Variants in SPATA13 observed in about 807,000 individuals in gnomAD.
The protein encoded by SPATA13 is spermatogenesis-associated protein 13.
Under a neutral mutation model 104.0 loss-of-function variants are expected in SPATA13, and 50 were observed. The observed-to-expected ratio is 0.48, with a 90% CI of 0.38 to 0.61. The LOEUF (loss-of-function observed/expected upper bound fraction) is 0.61, where lower values mean the gene tolerates loss of function less well. Among genes scored for constraint, SPATA13 ranks in the 20% least tolerant of loss-of-function variants. The probability of loss-of-function intolerance (pLI) is 0.00; values close to 1 mark genes in which losing one functional copy is unlikely to be tolerated. For missense variants in SPATA13, 1,524 were observed against 1,690.6 expected (o/e 0.90, Z 1.73); for synonymous variants, 606 against 667.5 (o/e 0.91, Z 1.42).
intron 3 of SPATA13, among the ~76,000 whole-genome samples, chr13:24,081,453 TGTAA>T (rs1879512062): frequency 6.6e-6 from 1 of 152,198 alleles, no homozygotes; most frequent in African/African-American, 2.4e-5. Flanking sequence ...GTAGCATGTC[TGTAA>T]GTATCATAAA....
chr13:24,169,227 G>A (rs990310136), intron 1 of SPATA13, among the ~76,000 whole-genome samples: 5 of 152,156 alleles, frequency 3.3e-5, no homozygotes, highest in South Asian at 2.1e-4. Context: ...CTTGGCTGTG[G>A]CCTGTGGTTG....
chr13:24,290,575 G>C (rs1876271846), intron 8 of SPATA13, 77 bp from the exon 9 acceptor site: 1 of 1,082,442 alleles, frequency 9.2e-7, no homozygotes, highest in African/African-American at 1.5e-5. Context: ...CCCTTAGAGA[G>C]GGCTGGGATG....
chr13:24,024,707 A>G (rs1352635580), intron 3 of SPATA13, among the ~76,000 whole-genome samples: 2 of 151,268 alleles, frequency 1.3e-5, no homozygotes, highest in Non-Finnish European at 2.9e-5. Flanking sequence ...TATTATATAT[A>G]TGTTATATAT....
intron 2 of SPATA13, among the ~76,000 whole-genome samples, chr13:23,988,181 A>G (rs1394652803): frequency 3.9e-5 from 6 of 152,146 alleles, no homozygotes; most frequent in Non-Finnish European, 8.8e-5. Flanking sequence ...CTGACCCCTC[A>G]GGTGATCTGC....
intron 3 of SPATA13, among the ~76,000 whole-genome samples, chr13:24,057,258 G>T (rs1878598160): frequency 6.9e-6 from 1 of 145,954 alleles, no homozygotes; most frequent in Non-Finnish European, 1.5e-5. Flanking sequence ...ACAGTCCCCG[G>T]AGTGTGATGT....
At chr13:24,180,375 C>T (rs1868722692) in intron 1 of SPATA13, among the ~76,000 whole-genome samples, 1 of 152,066 alleles carries the variant, frequency 6.6e-6, no homozygotes, top group Admixed American at 6.5e-5. Flanking sequence ...GTGCTAGTAC[C>T]ACACTGTCTT....
At chr13:24,038,281 A>G (rs1475767441) in intron 3 of SPATA13, among the ~76,000 whole-genome samples, 1 of 152,204 alleles carries the variant, frequency 6.6e-6, no homozygotes, top group Non-Finnish European at 1.5e-5. Flanking sequence ...AATATCTGCT[A>G]TAATGGGATC....
At chr13:24,156,017 T>C (rs1263662123), upstream of SPATA13, among the ~76,000 whole-genome samples, 1 of 152,210 alleles carries the variant, frequency 6.6e-6, no homozygotes, top group African/African-American at 2.4e-5. Flanking sequence ...CGGAATTTTG[T>C]TCCTCTTTAA....
intron 1 of SPATA13, among the ~76,000 whole-genome samples, chr13:24,191,762 A>C (rs1362602481): frequency 6.6e-6 from 1 of 151,952 alleles, no homozygotes; most frequent in Non-Finnish European, 1.5e-5. Context: ...CGCCCGCCTC[A>C]GTCTCCCAAA....
chr13:24,112,107 C>G (rs147864790), intron 3 of SPATA13, among the ~76,000 whole-genome samples: 1,539 of 152,340 alleles, frequency 0.01, 18 homozygotes, highest in Non-Finnish European at 0.016. Context: ...ACAGGACACT[C>G]TCTAGGCTGT....
chr13:24,097,144 A>C (rs1880111034), intron 3 of SPATA13, among the ~76,000 whole-genome samples: 1 of 152,176 alleles, frequency 6.6e-6, no homozygotes, highest in Non-Finnish European at 1.5e-5. Context: ...AAATGCAGAG[A>C]GGGAGCTGTC....
At chr13:24,271,691 C>A (rs1428914161) in intron 4 of SPATA13, among the ~76,000 whole-genome samples, 1 of 152,192 alleles carries the variant, frequency 6.6e-6, no homozygotes, top group African/African-American at 2.4e-5. Context: ...TACATGGATA[C>A]AATAGGATGC....
At chr13:24,017,237 TCA>T (rs1876759300) in intron 2 of SPATA13, among the ~76,000 whole-genome samples, 1 of 152,180 alleles carries the variant, frequency 6.6e-6, no homozygotes, top group Admixed American at 6.5e-5. Flanking sequence ...AGACGATAAC[TCA>T]GTTAATGCTC....
At chr13:24,016,778 C>T (rs1439661466) in intron 2 of SPATA13, among the ~76,000 whole-genome samples, 1 of 152,256 alleles carries the variant, frequency 6.6e-6, no homozygotes, top group Non-Finnish European at 1.5e-5. Flanking sequence ...CCCAGTTCAG[C>T]ACTAGGGTGG....
chr13:24,169,214 G>C (rs1260143533), intron 1 of SPATA13, among the ~76,000 whole-genome samples: 2 of 151,686 alleles, frequency 1.3e-5, no homozygotes, highest in African/African-American at 4.8e-5. Context: ...CTGAATTCCA[G>C]CTCTTGGCTG....
intron 3 of SPATA13, among the ~76,000 whole-genome samples, chr13:24,139,280 C>A (rs1024762097): frequency 1.3e-5 from 2 of 152,188 alleles, no homozygotes; most frequent in Non-Finnish European, 2.9e-5. Context: ...CAGTATGACC[C>A]CTCTTAACTG....
chr13:24,207,978 C>T (rs1870802775), intron 1 of SPATA13, among the ~76,000 whole-genome samples: 1 of 152,212 alleles, frequency 6.6e-6, no homozygotes, highest in Non-Finnish European at 1.5e-5. Flanking sequence ...TAGACATTCT[C>T]TCTCCTCCTC....
At chr13:24,232,177 A>G (rs535077808) in intron 2 of SPATA13, among the ~76,000 whole-genome samples, 1 of 152,232 alleles carries the variant, frequency 6.6e-6, no homozygotes. Context: ...AAGCCTGAGG[A>G]CAAGGTGATG....
chr13:24,211,221 C>T (rs1870994399), intron 1 of SPATA13, among the ~76,000 whole-genome samples: 1 of 152,162 alleles, frequency 6.6e-6, no homozygotes, highest in Admixed American at 6.5e-5. Context: ...TTAACTTCTT[C>T]CTTTCTGATT....
Sources: allele counts gnomAD v4.1 joint callset (sites outside exome capture counted in the v4.1 genomes callset), GRCh38; gene constraint gnomAD v4.1.1; transcripts MANE v1.5; gene names NCBI Gene and HGNC (gene_info 2026-07-23, HGNC 2026-07-21).